The following PITPNM2 variants were observed in gnomAD, a reference collection of about 807,000 sequenced individuals.
PITPNM2 encodes the protein phosphatidylinositol transfer protein membrane associated 2.
PITPNM2 carries 35 observed loss-of-function variants against 132.2 expected under a neutral mutation model. The observed-to-expected ratio is 0.26, with a 90% CI of 0.20 to 0.35. The LOEUF is 0.35. PITPNM2 is among the 10% of genes least tolerant of loss of function. PITPNM2 has a pLI of 1.00. For missense variants in PITPNM2, 1,332 were observed against 1,912.0 expected (o/e 0.70, Z 5.66); for synonymous variants, 738 against 799.2 (o/e 0.92, Z 1.29).
chr12:123,030,404 T>C (rs144646739), intron 3 of PITPNM2, among the ~76,000 whole-genome samples: 17 of 152,170 alleles, frequency 1.1e-4, no homozygotes, highest in Non-Finnish European at 2.4e-4. Context: ...TGAAAATAGA[T>C]ACTTGTAGGC....
rs2038148249 is a variant in PITPNM2, at chr12:122,990,672, C to G, written c.2442G>C (p.Glu814Asp). The change falls in exon 17 of 26, where the codon GAG becomes GAC. Residue 814 changes from glutamate to aspartate, a missense_variant. This residue lies in a region of PITPNM2 where 710 missense variants were observed against 911.5 expected (regional missense o/e 0.78). Coordinates refer to ENST00000320201, the MANE Select transcript of PITPNM2 (RefSeq NM_020845.3). ...TGCCCGGCGAGGAGGGGGCGCCATG[C>G]TCTTGGAAGGCTGCATTGTGGGTCT... ...VLQTHNAAFQ[E>D]HGAPSSPGTA... The G allele has an allele frequency of 6.2e-7, 1 of 1,611,388 alleles. No homozygotes were observed. Among genetic ancestry groups the G allele is most frequent in the Admixed American group, 1.7e-5 (1 of 59,934 alleles).
intron 2 of PITPNM2, among the ~76,000 whole-genome samples, chr12:123,094,376 G>A (rs567014144): frequency 1.3e-5 from 2 of 152,330 alleles, no homozygotes; most frequent in South Asian, 4.1e-4. Flanking sequence ...GGCTGACCTC[G>A]GAAAGGCCCC....
Position 122,995,386 on chromosome 12 carries a change from C to T in PITPNM2, c.2054+3G>A, listed in dbSNP as rs969497968. 3.8e-6 allele frequency: 6 copies of T among 1,587,740 alleles called. No individual in the cohort carries two copies. Among genetic ancestry groups the T allele is most frequent in the African/African-American group, 1.3e-5 (1 of 74,654 alleles). On this transcript the variant is annotated splice_donor_region_variant and intron_variant, in intron 14 of 25. Coordinates refer to ENST00000320201, the MANE Select transcript of PITPNM2 (RefSeq NM_020845.3). ...CAAGCCCCAGCCCCCCAGCCCTGCCCACCTGGACAGGAAGGCCTGGTGCTG... is the reference window on the plus strand; with the variant it reads ...CAAGCCCCAGCCCCCCAGCCCTGCCTACCTGGACAGGAAGGCCTGGTGCTG...
intron 2 of PITPNM2, among the ~76,000 whole-genome samples, chr12:123,056,347 G>A (rs1021417042): frequency 3.3e-5 from 5 of 152,212 alleles, no homozygotes; most frequent in East Asian, 3.8e-4. Context: ...ACATGGAGGC[G>A]TGTAGGCTTA....
In PITPNM2 at chr12:123,150,151, A is replaced by T. The variant is rs988568763; in HGVS notation, c.-200+602T>A. On this transcript the variant is annotated intron_variant, in intron 1 of 25. Transcript: ENST00000320201. The surrounding 1 kb of genome is among the most constrained non-coding windows in gnomAD (Gnocchi z 6.0). ...GGACACTGAACTTTCCCTCTCCCCA[A>T]GGCCCCCCGATCAGCCCTGCCACGG... is the stretch of plus-strand genomic sequence containing the variant. 1.3e-5 allele frequency: 2 copies of T among 152,832 alleles called. No homozygotes were observed. The highest frequency in any genetic ancestry group is 2.9e-5 in the Non-Finnish European group (2 of 68,532). 9.5% of individuals were successfully genotyped at this position (152,832 alleles called of 1,614,324 possible). A position where few individuals can be genotyped will look rare whatever the true frequency, so the allele number is the denominator to read the frequency against.
chr12:123,101,437 T>C (rs984418241), intron 2 of PITPNM2, among the ~76,000 whole-genome samples: 7 of 152,212 alleles, frequency 4.6e-5, no homozygotes, highest in Admixed American at 3.3e-4. Flanking sequence ...AGAGTATTTA[T>C]CATTTGAATG....
At chr12:123,109,398 G>C (rs911219447) in intron 2 of PITPNM2, among the ~76,000 whole-genome samples, 1 of 152,308 alleles carries the variant, frequency 6.6e-6, no homozygotes, top group South Asian at 2.1e-4. Context: ...GCTGCCAGCT[G>C]GGGGTGGGAG....
At chr12:123,063,434 G>A (rs2041313936) in intron 2 of PITPNM2, among the ~76,000 whole-genome samples, 1 of 152,220 alleles carries the variant, frequency 6.6e-6, no homozygotes, top group Non-Finnish European at 1.5e-5. Context: ...CCAGGGCTTG[G>A]CACACAGCTG....
At chr12:123,066,429 G>A (rs554157715) in intron 2 of PITPNM2, among the ~76,000 whole-genome samples, 1 of 152,310 alleles carries the variant, frequency 6.6e-6, no homozygotes, top group Non-Finnish European at 1.5e-5. Context: ...CCAGCCAGGA[G>A]CAAGAGCAGG....
rs759390550 is a variant in PITPNM2, at chr12:123,099,533, T to G, written c.-96+10852A>C. 6.6e-6 allele frequency among the ~76,000 whole-genome samples: 1 copy of G among 152,204 alleles called. No homozygotes were observed. Among genetic ancestry groups the G allele is most frequent in the Non-Finnish European group, 1.5e-5 (1 of 68,038 alleles). On this transcript the variant is annotated intron_variant, in intron 2 of 25. Transcript: ENST00000320201. This position sits in a 1 kb window ranked among gnomAD's most constrained non-coding sequence, Gnocchi z 4.2. ...GCAGACTTCCCACAAGCTCCTGGTCTGAACATCATCTCCTTCCACATGGCC... is the reference window on the plus strand; with the variant it reads ...GCAGACTTCCCACAAGCTCCTGGTCGGAACATCATCTCCTTCCACATGGCC...
At chr12:123,029,322 C>T (rs2039986873) in intron 3 of PITPNM2, among the ~76,000 whole-genome samples, 1 of 152,234 alleles carries the variant, frequency 6.6e-6, no homozygotes, top group Admixed American at 6.5e-5. Context: ...TGCATGGTGG[C>T]TCATGCCTGT....
rs1334419659 is a variant in PITPNM2 at position 122,988,717 on chromosome 12, C to G, written c.2880+7G>C. 1 of 1,555,166 alleles carries G rather than the reference C, an allele frequency of 6.4e-7. No individual in the cohort carries two copies. The highest frequency in any genetic ancestry group is 1.7e-4 in the Middle Eastern group (1 of 5,922). ...GGCCCTCCTGGGAGGTCCCAGGCCC[C>G]GGGTACCTGTCTCAGCAGAAAGGAG... is the stretch of plus-strand genomic sequence containing the variant. On this transcript the variant is annotated splice_region_variant and intron_variant, in intron 19 of 25. Coordinates refer to ENST00000320201, the MANE Select transcript of PITPNM2 (RefSeq NM_020845.3).
rs375136096 is a variant in PITPNM2, at chr12:123,005,367, G to A, written c.825C>T (p.Ala275=). ...GCTCCCCAGAGGTCTGGTCCGAGAC[G>A]GCTTCGTGCTTGACGAGCTCAGTGG... ...EEATELVKHE[A]VSDQTSGEPP... The change falls in exon 7 of 26, where the codon GCC becomes GCT. Residue 275 remains alanine (A), a synonymous_variant. Coordinates refer to ENST00000320201, the MANE Select transcript of PITPNM2 (RefSeq NM_020845.3). The surrounding 1 kb of genome is among the most constrained non-coding windows in gnomAD (Gnocchi z 6.2). The A allele has an allele frequency of 3.5e-5, 57 of 1,614,148 alleles. No homozygotes were observed. Among genetic ancestry groups the A allele is most frequent in the African/African-American group, 2.3e-4 (17 of 75,052 alleles).
chr12:123,032,662 C>A (rs1161560844), intron 3 of PITPNM2, among the ~76,000 whole-genome samples: 1 of 152,134 alleles, frequency 6.6e-6, no homozygotes, highest in Non-Finnish European at 1.5e-5. Flanking sequence ...TCTGGGTTCA[C>A]CCTGGCTTGG....
intron 2 of PITPNM2, among the ~76,000 whole-genome samples, chr12:123,035,600 AG>A (rs1378089147): frequency 1.3e-5 from 2 of 151,500 alleles, no homozygotes; most frequent in African/African-American, 4.9e-5. Flanking sequence ...CAGGAGGCGG[AG>A]GTTGCAGTGA....
chr12:123,123,282 A>C (rs1315669215), intron 1 of PITPNM2, among the ~76,000 whole-genome samples: 8 of 152,224 alleles, frequency 5.3e-5, no homozygotes, highest in Non-Finnish European at 1.2e-4. Flanking sequence ...AAGCAGATGC[A>C]CAACAATAGG....
At chr12:123,105,404 G>A (rs1004585386) in intron 2 of PITPNM2, 2 of 152,192 alleles carry the variant, frequency 1.3e-5, no homozygotes, top group African/African-American at 4.8e-5. Flanking sequence ...GGTCAATCGT[G>A]CTGCTGAAAT....
Position 122,992,360 on chromosome 12 carries a change from T to C in PITPNM2, c.2404+139A>G. 1 of 350,556 alleles carries C rather than the reference T, an allele frequency of 2.9e-6. No individual in the cohort carries two copies. The allele number at this position is 350,556 out of a possible 1,614,324, so 21.7% of individuals were successfully genotyped here. ...ACCCCCACCCCCCACCCCCAACAGC[T>C]GTCCACCTCCAAGAGGCATTCAGCA... On this transcript the variant is annotated intron_variant, in intron 16 of 25. Transcript: ENST00000320201. This position sits in a 1 kb window ranked among gnomAD's most constrained non-coding sequence, Gnocchi z 6.5.
chr12:123,089,653 A>C (rs1418352389), intron 2 of PITPNM2: 1 of 152,194 alleles, frequency 6.6e-6, no homozygotes, highest in Non-Finnish European at 1.5e-5. Flanking sequence ...ATCCCCAACT[A>C]TCACTACTCA....
Sources: allele counts gnomAD v4.1 joint callset (sites outside exome capture counted in the v4.1 genomes callset), GRCh38; gene constraint gnomAD v4.1.1; regional missense constraint gnomAD v4.1.1; non-coding constraint Gnocchi (gnomAD v3.1); transcripts MANE v1.5; gene names NCBI Gene and HGNC (gene_info 2026-07-23, HGNC 2026-07-21).